HMGA1: variants seen among roughly 807,000 people sequenced by gnomAD.
HMGA1 encodes high mobility group AT-hook 1.
Under a neutral mutation model 15.1 loss-of-function variants are expected in HMGA1, and 1 was observed. That is an observed-to-expected ratio of 0.07 (90% CI 0.02 to 0.31). The LOEUF is 0.31. HMGA1 is among the 10% of genes least tolerant of loss of function. The pLI is 1.00. For missense variants in HMGA1, 94 were observed against 141.4 expected (o/e 0.66, Z 1.70); for synonymous variants, 56 against 54.8 (o/e 1.02, Z -0.10).
intron 2 of HMGA1, chr6:34,239,000 A>AG (rs1762068193): frequency 6.6e-6 from 1 of 152,184 alleles, no homozygotes; most frequent in Admixed American, 6.5e-5. Context: ...TTTAGTTTGA[A>AG]GGGGGACCTG....
intron 2 of HMGA1, 135 bp downstream of exon 2, chr6:34,237,452 C>A (rs1324912226): frequency 1.5e-4 from 22 of 143,868 alleles, no homozygotes; most frequent in Admixed American, 1.1e-3. Context: ...CGGGGCGGCG[C>A]GAGCCGGCGG....
chr6:34,245,556 C>T lies in HMGA1; in HGVS notation c.*672C>T. On this transcript the variant is annotated 3_prime_UTR_variant, in exon 6 of 6. Coordinates refer to ENST00000311487, the MANE Select transcript of HMGA1 (RefSeq NM_145899.3). ...AGGAGGGGTGAGTCCCCTACTCCCT[C>T]TTCACTGTGGCCACAGCCCCCTTGC... 2.9e-6 allele frequency: 4 copies of T among 1,380,342 alleles called. No homozygotes were observed. The highest frequency in any genetic ancestry group is 3.4e-5 in the East Asian group (1 of 29,260). 85.5% of individuals were successfully genotyped at this position (1,380,342 alleles called of 1,614,324 possible).
At chr6:34,239,648 T>C (rs1762133254) in intron 2 of HMGA1, among the ~76,000 whole-genome samples, 1 of 152,090 alleles carries the variant, frequency 6.6e-6, no homozygotes, top group Non-Finnish European at 1.5e-5. Flanking sequence ...ATGTGTAGCC[T>C]AGGCCTCCGG....
chr6:34,240,596 C>G, intron 2 of HMGA1, 141 bp from the exon 3 acceptor site: 2 of 701,906 alleles, frequency 2.8e-6, no homozygotes, highest in Non-Finnish European at 4.9e-6. Flanking sequence ...TGGGCAGACC[C>G]CTCCATCCTG....
rs1335946017 is a variant in HMGA1 at position 34,245,082 on chromosome 6, A to T, written c.*198A>T. 6.6e-7 allele frequency: 1 copy of T among 1,524,272 alleles called. No individual in the cohort carries two copies. Among genetic ancestry groups the T allele is most frequent in the Non-Finnish European group, 8.8e-7 (1 of 1,136,456 alleles). The allele number at this position is 1,524,272 out of a possible 1,614,324, so 94.4% of individuals were successfully genotyped here. ...GCCGCTGCAGGGCTCCCATGGGCTG[A>T]GTGGGGAGCAGTTTTCCCCTGGCCT... On this transcript the variant is annotated 3_prime_UTR_variant, in exon 6 of 6. Transcript: ENST00000311487.
chr6:34,238,051 C>T (rs930663927), intron 2 of HMGA1, among the ~76,000 whole-genome samples: 6 of 152,136 alleles, frequency 3.9e-5, no homozygotes, highest in Non-Finnish European at 5.9e-5. Context: ...ATTTTATTTT[C>T]TTCTGGGGCT....
intron 4 of HMGA1, among the ~76,000 whole-genome samples, chr6:34,243,190 C>T (rs944455055): frequency 1.3e-5 from 2 of 152,134 alleles, no homozygotes; most frequent in East Asian, 3.9e-4. Context: ...TGACATTAGC[C>T]TTTCAGAAAA....
rs1762691576 is a variant in HMGA1 at position 34,245,695 on chromosome 6, C to T, written c.*811C>T. 9.7e-7 allele frequency: 1 copy of T among 1,033,650 alleles called. No homozygotes were observed. Among genetic ancestry groups the T allele is most frequent in the Non-Finnish European group, 1.3e-6 (1 of 750,288 alleles). 64.0% of individuals were successfully genotyped at this position (1,033,650 alleles called of 1,614,324 possible). On this transcript the variant is annotated 3_prime_UTR_variant, in exon 6 of 6. Coordinates refer to ENST00000311487, the MANE Select transcript of HMGA1 (RefSeq NM_145899.3). Reference sequence around the variant, plus strand: ...CCTGAGGTGGGCTGGGGCTGCTCCCCTAACCCTACTTTGCTTCCGCCACTC... The same window carrying T: ...CCTGAGGTGGGCTGGGGCTGCTCCCTTAACCCTACTTTGCTTCCGCCACTC...
At chr6:34,238,262 C>T (rs1761985354) in intron 2 of HMGA1, among the ~76,000 whole-genome samples, 1 of 152,032 alleles carries the variant, frequency 6.6e-6, no homozygotes, top group South Asian at 2.1e-4. Context: ...CCTCCCCCCG[C>T]GCGCCCTGGC....
chr6:34,244,772 C>G, intron 5 of HMGA1, 59 bp from the exon 6 acceptor site: 1 of 1,453,058 alleles, frequency 6.9e-7, no homozygotes. Context: ...GGGCCAGCCT[C>G]TGGGGGTGGA....
rs1178804510 is a variant in HMGA1, at chr6:34,245,480, T to G, written c.*596T>G. On this transcript the variant is annotated 3_prime_UTR_variant, in exon 6 of 6. Transcript: ENST00000311487. The stretch of plus-strand genomic sequence containing the variant: ...GGCTCACTTTTCATCCTTCCCCAAC[T>G]TCCCTAGTCCCCGTACTAGGTTGGA... 4 of 1,379,138 alleles carry G rather than the reference T, an allele frequency of 2.9e-6. No individual in the cohort carries two copies. In the African/African-American group the frequency reaches 4.3e-5, roughly 15 times the overall value. The allele number at this position is 1,379,138 out of a possible 1,614,324, so 85.4% of individuals were successfully genotyped here.
At chr6:34,238,265 G>A (rs1245576008) in intron 2 of HMGA1, among the ~76,000 whole-genome samples, 1 of 152,050 alleles carries the variant, frequency 6.6e-6, no homozygotes, top group East Asian at 1.9e-4. Context: ...CCCCCCGCGC[G>A]CCCTGGCCCC....
chr6:34,244,077 G>A (rs564313801), intron 5 of HMGA1, among the ~76,000 whole-genome samples: 2 of 151,536 alleles, frequency 1.3e-5, no homozygotes, highest in African/African-American at 4.8e-5. Context: ...TGCAGTTAGG[G>A]TCACCCCAGC....
rs1269495818 is a variant in HMGA1, at chr6:34,240,621, C to A, written c.-44-116C>A. On this transcript the variant is annotated intron_variant, in intron 2 of 5. Coordinates refer to ENST00000311487, the MANE Select transcript of HMGA1 (RefSeq NM_145899.3). The stretch of plus-strand genomic sequence containing the variant: ...CCTCCATCCTGGGCAGAGTAGGAGG[C>A]CTGGGGGCCCATGGGAGCACAGTTT... 5 of 832,736 alleles carry A rather than the reference C, an allele frequency of 6.0e-6. No homozygotes were observed. The South Asian group carries it at 7.5e-5, about 13-fold the overall frequency. The allele number at this position is 832,736 out of a possible 1,614,324, so 51.6% of individuals were successfully genotyped here.
chr6:34,242,582 C>G (rs9366845), intron 3 of HMGA1, 130 bp from the exon 4 acceptor site: 1 of 707,240 alleles, frequency 1.4e-6, no homozygotes, highest in African/African-American at 1.8e-5. Flanking sequence ...GAAGGGATTC[C>G]TAGGTCAGGG....
rs1762626445 is a variant in HMGA1 at position 34,245,003 on chromosome 6, C to G, written c.*119C>G. On this transcript the variant is annotated 3_prime_UTR_variant, in exon 6 of 6. Transcript: ENST00000311487. Reference sequence around the variant, plus strand: ...GGCCCACCATCACCACCGCCTCTGGCCGCCACCCCCATCTTCCACCTGTGC... The same window carrying G: ...GGCCCACCATCACCACCGCCTCTGGGCGCCACCCCCATCTTCCACCTGTGC... 1 of 1,512,262 alleles carries G rather than the reference C, an allele frequency of 6.6e-7. No individual in the cohort carries two copies. The highest frequency in any genetic ancestry group is 2.0e-5 in the Admixed American group (1 of 49,894). The allele number at this position is 1,512,262 out of a possible 1,614,324, so 93.7% of individuals were successfully genotyped here.
chr6:34,245,633 A>G lies in HMGA1; in HGVS notation c.*749A>G, dbSNP rs571991698. 1.4e-4 allele frequency: 191 copies of G among 1,376,328 alleles called. No individual in the cohort carries two copies. The African/African-American group carries it at 2.3e-3, about 16-fold the overall frequency. The allele number at this position is 1,376,328 out of a possible 1,614,324, so 85.3% of individuals were successfully genotyped here. ...TGTGGTGATGGAGATGCAGTCACTT[A>G]TTGTCCAGGTGAGGCCCAAGAGCCC... On this transcript the variant is annotated 3_prime_UTR_variant, in exon 6 of 6. Transcript: ENST00000311487.
In HMGA1 at chr6:34,243,422, C is replaced by T. The variant is rs755879541; in HGVS notation, c.220-46C>T. 4 of 1,487,926 alleles carry T rather than the reference C, an allele frequency of 2.7e-6. No individual in the cohort carries two copies. In the Admixed American group the frequency reaches 5.1e-5, roughly 19 times the overall value. 92.2% of individuals were successfully genotyped at this position (1,487,926 alleles called of 1,614,324 possible). ...ATCACTATTGGGCATCGGGTGAGCA[C>T]TGATGAGCATTTTGGACTTAGGAGA... On this transcript the variant is annotated intron_variant, in intron 4 of 5. Coordinates refer to ENST00000311487, the MANE Select transcript of HMGA1 (RefSeq NM_145899.3).
In HMGA1 at chr6:34,242,800, G is replaced by T; in HGVS notation, c.219+5G>T. ...AAGGGTGCTGCCAAGACCCGGGTGA[G>T]ACTTGAGATGGGACTACCCCTGGGT... On this transcript the variant is annotated splice_donor_5th_base_variant and intron_variant, in intron 4 of 5. Coordinates refer to ENST00000311487, the MANE Select transcript of HMGA1 (RefSeq NM_145899.3). 1 of 1,576,018 alleles carries T rather than the reference G, an allele frequency of 6.3e-7. No individual in the cohort carries two copies. Among genetic ancestry groups the T allele is most frequent in the South Asian group, 1.2e-5 (1 of 86,680 alleles).
Sources: allele counts gnomAD v4.1 joint callset (sites outside exome capture counted in the v4.1 genomes callset), GRCh38; gene constraint gnomAD v4.1.1; transcripts MANE v1.5; gene names NCBI Gene and HGNC (gene_info 2026-07-23, HGNC 2026-07-21).